TRMT11: variants seen among roughly 807,000 people sequenced by gnomAD.
The protein encoded by TRMT11 is tRNA methyltransferase 11.
A neutral mutation model predicts 62.8 loss-of-function variants in TRMT11; 53 were observed. The observed-to-expected ratio is 0.84, with a 90% CI of 0.68 to 1.06. TRMT11 has a LOEUF of 1.06. Among genes scored for constraint, TRMT11 ranks in the 50% least tolerant of loss-of-function variants. The pLI is 0.00. For missense variants in TRMT11, 556 were observed against 553.4 expected (o/e 1.00, Z -0.05); for synonymous variants, 188 against 190.3 (o/e 0.99, Z 0.10).
chr6:126,068,578 T>G (rs1167732336), intron 17 of TRMT11, among the ~76,000 whole-genome samples: 1 of 152,254 alleles, frequency 6.6e-6, no homozygotes, highest in African/African-American at 2.4e-5. Flanking sequence ...GCTTTGTTTC[T>G]TATTCCATCA....
intron 17 of TRMT11, among the ~76,000 whole-genome samples, chr6:126,082,769 A>G (rs542394845): frequency 6.6e-6 from 1 of 152,254 alleles, no homozygotes; most frequent in East Asian, 1.9e-4. Context: ...ATTGTTCTCT[A>G]GCTTTTAATT....
At chr6:126,269,189 G>A in the TRMT11 span, among the ~76,000 whole-genome samples, 3 of 147,868 alleles carry the variant, frequency 2.0e-5, no homozygotes, top group East Asian at 1.9e-4. Flanking sequence ...GCGTGAACCC[G>A]GGAGGCGGAG....
the TRMT11 span, among the ~76,000 whole-genome samples, chr6:126,233,871 C>A: frequency 6.6e-6 from 1 of 152,064 alleles, no homozygotes; most frequent in African/African-American, 2.4e-5. Context: ...CCTAGGGCCA[C>A]AAAGTCATGA....
chr6:126,166,070 G>A (rs1237865528), intron 21 of TRMT11, among the ~76,000 whole-genome samples: 3 of 151,690 alleles, frequency 2.0e-5, no homozygotes, highest in Non-Finnish European at 4.4e-5. Context: ...CCGCTTGATC[G>A]ATTTGGCTAT....
intron 12 of TRMT11, among the ~76,000 whole-genome samples, chr6:126,022,579 C>T (rs979593890): frequency 3.9e-5 from 6 of 152,088 alleles, no homozygotes; most frequent in Non-Finnish European, 7.4e-5. Context: ...TCCTTCATAC[C>T]GCTAGTTTAT....
At chr6:126,167,138 G>A (rs1411331911) in intron 21 of TRMT11, among the ~76,000 whole-genome samples, 7 of 152,106 alleles carry the variant, frequency 4.6e-5, no homozygotes, top group Non-Finnish European at 8.8e-5. Context: ...CTGTCTCGCT[G>A]GCATTCCATA....
the TRMT11 span, among the ~76,000 whole-genome samples, chr6:126,263,114 A>G: frequency 6.2e-5 from 9 of 145,362 alleles, no homozygotes; most frequent in African/African-American, 2.2e-4. Context: ...TGGGGTCTCT[A>G]GGGGGAGAAA....
the TRMT11 span, among the ~76,000 whole-genome samples, chr6:126,228,585 C>T: frequency 7.9e-5 from 12 of 152,036 alleles, no homozygotes; most frequent in African/African-American, 2.9e-4. Context: ...GTTTATAAGC[C>T]GATCTGTTCA....
intron 16 of TRMT11, among the ~76,000 whole-genome samples, chr6:126,053,032 G>A (rs2128111452): frequency 6.6e-6 from 1 of 152,256 alleles, no homozygotes; most frequent in South Asian, 2.1e-4. Context: ...CCTATGGCGG[G>A]GGATGTCACC....
rs186561423 is a variant in TRMT11, at chr6:126,100,939, C to A, written c.*1438-11927C>A. 1.9e-3 allele frequency among the ~76,000 whole-genome samples: 294 copies of A among 152,242 alleles called. 1 individual carries two copies. The highest frequency in any genetic ancestry group is 2.9e-3 in the Non-Finnish European group (199 of 68,024). ...TCAGGCATTTGATTCTCATAAGGAGCATGCAACCTAGATGCCTTCTATGCA... is the reference window on the plus strand; with the variant it reads ...TCAGGCATTTGATTCTCATAAGGAGAATGCAACCTAGATGCCTTCTATGCA... On this transcript the variant is annotated intron_variant and NMD_transcript_variant, in intron 17 of 22. Coordinates refer to the TRMT11 transcript ENST00000648977.
downstream of TRMT11, chr6:126,039,386 G>A (rs1338052430): frequency 6.6e-6 from 1 of 152,138 alleles, no homozygotes; most frequent in Non-Finnish European, 1.5e-5. Flanking sequence ...TGATAAGAAA[G>A]GCTAAGACCT....
chr6:126,096,149 G>T (rs1276495383), intron 17 of TRMT11, among the ~76,000 whole-genome samples: 4 of 152,166 alleles, frequency 2.6e-5, no homozygotes, highest in Non-Finnish European at 5.9e-5. Context: ...TTCTTGGAAG[G>T]TAACTTGATG....
chr6:126,246,813 G>T, the TRMT11 span, among the ~76,000 whole-genome samples: 1 of 152,228 alleles, frequency 6.6e-6, no homozygotes, highest in East Asian at 1.9e-4. Context: ...AAACTTAAAA[G>T]TACCAAAGGT....
intron 1 of TRMT11, among the ~76,000 whole-genome samples, chr6:125,988,211 A>G (rs190625603): frequency 4.8e-4 from 73 of 152,342 alleles, no homozygotes; most frequent in Admixed American, 1.8e-3. Context: ...GATAGTCTCA[A>G]TTAGAAGATA....
At chr6:126,047,276 C>T (rs1283508136) in intron 16 of TRMT11, among the ~76,000 whole-genome samples, 1 of 151,408 alleles carries the variant, frequency 6.6e-6, no homozygotes, top group Non-Finnish European at 1.5e-5. Flanking sequence ...GCCATGCCCC[C>T]TTATCCTGTA....
intron 3 of TRMT11, 22 bp from the exon 4 acceptor site, chr6:125,998,031 G>A (rs937343752): frequency 1.9e-6 from 3 of 1,540,088 alleles, no homozygotes; most frequent in Admixed American, 1.7e-5. Context: ...ACTGAGGTTA[G>A]TACCAATCAT....
At chr6:126,211,392 G>A in the TRMT11 span, among the ~76,000 whole-genome samples, 1 of 152,080 alleles carries the variant, frequency 6.6e-6, no homozygotes, top group Non-Finnish European at 1.5e-5. Context: ...ATTTTTTAAA[G>A]CCAGCTAATC....
At chr6:126,117,438 C>G (rs1252949784) in intron 21 of TRMT11, among the ~76,000 whole-genome samples, 1 of 152,026 alleles carries the variant, frequency 6.6e-6, no homozygotes, top group African/African-American at 2.4e-5. Flanking sequence ...GAAAGAATGT[C>G]TTTTACCGTC....
chr6:126,131,873 T>C (rs1340044264), intron 21 of TRMT11, among the ~76,000 whole-genome samples: 4 of 152,036 alleles, frequency 2.6e-5, no homozygotes, highest in Non-Finnish European at 5.9e-5. Flanking sequence ...AACCTCAGCC[T>C]TTGAATAAAT....
Sources: gnomAD v4.1 joint callset for allele counts (sites outside exome capture counted in the v4.1 genomes callset) on GRCh38, gnomAD v4.1.1 for gene constraint, MANE v1.5 for transcripts, NCBI Gene and HGNC (gene_info 2026-07-23, HGNC 2026-07-21) for gene names.